ENTREP2: variants seen among roughly 807,000 people sequenced by gnomAD.
ENTREP2 encodes endosomal transmembrane epsin interactor 2.
the ENTREP2 span, among the ~76,000 whole-genome samples, chr15:29,356,256 A>ATGTGTG: frequency 9.7e-6 from 1 of 103,050 alleles, no homozygotes; most frequent in Non-Finnish European, 1.8e-5. Context: ...ATGTATATAT[A>ATGTGTG]TGTGTGTGTG....
the ENTREP2 span, among the ~76,000 whole-genome samples, chr15:29,522,959 C>G: frequency 6.6e-6 from 1 of 152,308 alleles, no homozygotes; most frequent in African/African-American, 2.4e-5. Flanking sequence ...AATGAAACGT[C>G]TGTAGGTCCT....
the ENTREP2 span, among the ~76,000 whole-genome samples, chr15:29,524,536 T>G: frequency 6.6e-6 from 1 of 152,222 alleles, no homozygotes; most frequent in Non-Finnish European, 1.5e-5. Context: ...TCCAGAGTTT[T>G]ATAGCTCTAT....
At chr15:29,539,757 G>A in the ENTREP2 span, among the ~76,000 whole-genome samples, 2 of 152,116 alleles carry the variant, frequency 1.3e-5, no homozygotes, top group Admixed American at 1.3e-4. Flanking sequence ...CGCTAGGAGG[G>A]CAAAAGGAAA....
chr15:29,396,478 A>G, the ENTREP2 span, among the ~76,000 whole-genome samples: 1 of 151,940 alleles, frequency 6.6e-6, no homozygotes, highest in African/African-American at 2.4e-5. Flanking sequence ...TTTGTTATTG[A>G]GTTTTAGGAG....
chr15:29,524,943 C>A, the ENTREP2 span, among the ~76,000 whole-genome samples: 1 of 152,226 alleles, frequency 6.6e-6, no homozygotes, highest in African/African-American at 2.4e-5. Context: ...ATTGTCCCTC[C>A]CCCTGTGCTC....
the ENTREP2 span, among the ~76,000 whole-genome samples, chr15:29,325,618 A>G: frequency 6.6e-6 from 1 of 152,154 alleles, no homozygotes; most frequent in East Asian, 1.9e-4. Flanking sequence ...ACGATATTCC[A>G]AAAAAGAAAG....
the ENTREP2 span, among the ~76,000 whole-genome samples, chr15:29,571,345 C>T: frequency 6.6e-6 from 1 of 151,902 alleles, no homozygotes; most frequent in Non-Finnish European, 1.5e-5. Context: ...CCTTCAGAGC[C>T]TGGGGACGGC....
the ENTREP2 span, among the ~76,000 whole-genome samples, chr15:29,658,799 T>G: frequency 6.6e-6 from 1 of 152,192 alleles, no homozygotes; most frequent in Non-Finnish European, 1.5e-5. Flanking sequence ...AAAAACTTTA[T>G]AATTATAGCA....
At chr15:29,231,619 A>T in the ENTREP2 span, among the ~76,000 whole-genome samples, 1 of 152,144 alleles carries the variant, frequency 6.6e-6, no homozygotes, top group Non-Finnish European at 1.5e-5. Flanking sequence ...AATTCCCTTT[A>T]ATTATAGAGT....
the ENTREP2 span, chr15:29,233,596 C>T: frequency 1.5e-6 from 1 of 655,678 alleles, no homozygotes; most frequent in South Asian, 1.9e-5. Context: ...GACTATAAGA[C>T]CATAATCAAA....
chr15:29,514,610 C>T, the ENTREP2 span, among the ~76,000 whole-genome samples: 1 of 152,152 alleles, frequency 6.6e-6, no homozygotes. Flanking sequence ...TTCCTTTCCT[C>T]TGCAGCCCTC....
At chr15:29,501,996 T>C in the ENTREP2 span, among the ~76,000 whole-genome samples, 1 of 151,810 alleles carries the variant, frequency 6.6e-6, no homozygotes, top group Non-Finnish European at 1.5e-5. Flanking sequence ...CTGAAAACCA[T>C]AAAACATTGC....
the ENTREP2 span, among the ~76,000 whole-genome samples, chr15:29,258,065 T>C: frequency 6.6e-6 from 1 of 151,882 alleles, no homozygotes; most frequent in Non-Finnish European, 1.5e-5. Context: ...ACAAAAAAAT[T>C]AGCCGGGCGT....
chr15:29,403,134 G>A, the ENTREP2 span, among the ~76,000 whole-genome samples: 1 of 152,134 alleles, frequency 6.6e-6, no homozygotes. Context: ...TGTAGGGGAG[G>A]GACGGGGCCT....
At chr15:29,153,561 A>G in the ENTREP2 span, among the ~76,000 whole-genome samples, 1 of 152,206 alleles carries the variant, frequency 6.6e-6, no homozygotes, top group Admixed American at 6.5e-5. Flanking sequence ...CCTGCCTCCT[A>G]TTAAATAATA....
chr15:29,305,534 G>A, the ENTREP2 span, among the ~76,000 whole-genome samples: 2 of 152,176 alleles, frequency 1.3e-5, no homozygotes, highest in Admixed American at 1.3e-4. Context: ...GATATACTAC[G>A]AAGGCAGAGC....
At chr15:29,173,406 C>T in the ENTREP2 span, among the ~76,000 whole-genome samples, 16 of 152,312 alleles carry the variant, frequency 1.1e-4, no homozygotes, top group East Asian at 3.1e-3. Context: ...ACAAAAGATC[C>T]CCTGGACGGA....
At chr15:29,372,444 G>A in the ENTREP2 span, among the ~76,000 whole-genome samples, 3 of 152,084 alleles carry the variant, frequency 2.0e-5, no homozygotes, top group South Asian at 2.1e-4. Flanking sequence ...GCTTCCAGTC[G>A]GCAGTTGCTT....
At chr15:29,210,462 T>C in the ENTREP2 span, among the ~76,000 whole-genome samples, 1 of 152,222 alleles carries the variant, frequency 6.6e-6, no homozygotes, top group Non-Finnish European at 1.5e-5. Context: ...TGAGCATTAT[T>C]GCCTGAGCTC....
Sources: gnomAD v4.1 joint callset for allele counts (sites outside exome capture counted in the v4.1 genomes callset) on GRCh38, gnomAD v4.1.1 for gene constraint, MANE v1.5 for transcripts, NCBI Gene and HGNC (gene_info 2026-07-23, HGNC 2026-07-21) for gene names.